The following STPG2 variants were observed in gnomAD, a reference collection of about 807,000 sequenced individuals.
The protein encoded by STPG2 is sperm-tail PG-rich repeat-containing protein 2.
STPG2 carries 56 observed loss-of-function variants against 54.2 expected under a neutral mutation model. That is an observed-to-expected ratio of 1.03 (90% confidence interval 0.83 to 1.29). The LOEUF is 1.29. STPG2 is among the 50% of genes most tolerant of loss of function. The pLI, the probability that STPG2 is intolerant of heterozygous loss-of-function variation, is 0.00. For synonymous variants in STPG2, 200 were observed against 181.8 expected, an observed-to-expected ratio of 1.10 and a Z score of -0.81; for missense variants, 596 against 544.9, an observed-to-expected ratio of 1.09 and a Z score of -0.93.
intron 7 of STPG2, among the ~76,000 whole-genome samples, chr4:97,957,169 T>C (rs1302411196): frequency 6.8e-6 from 1 of 148,120 alleles, no homozygotes; most frequent in Non-Finnish European, 1.5e-5. Flanking sequence ...ATGAAATATA[T>C]ATGTGAAATA....
intron 5 of STPG2, among the ~76,000 whole-genome samples, chr4:98,074,745 T>C (rs1351479600): frequency 1.3e-5 from 2 of 152,222 alleles, no homozygotes; most frequent in African/African-American, 4.8e-5. Context: ...ATGGCATTCT[T>C]CGTTTTATGT....
intron 9 of STPG2, among the ~76,000 whole-genome samples, chr4:97,736,360 G>A (rs1361587656): frequency 6.6e-6 from 1 of 152,188 alleles, no homozygotes; most frequent in Non-Finnish European, 1.5e-5. Context: ...AGTGGGCGCA[G>A]GACAGTGGGT....
chr4:97,625,101 G>A (rs1316037061), intron 10 of STPG2, among the ~76,000 whole-genome samples: 1 of 152,172 alleles, frequency 6.6e-6, no homozygotes, highest in Non-Finnish European at 1.5e-5. Context: ...TCAGTACTGT[G>A]AGAAAACAAA....
chr4:97,640,696 T>A (rs1411087123), intron 10 of STPG2, among the ~76,000 whole-genome samples: 3 of 151,396 alleles, frequency 2.0e-5, no homozygotes, highest in Admixed American at 6.6e-5. Context: ...CATGAAGAAG[T>A]AAATATAAAC....
At chr4:97,514,738 C>T (rs1352557372) in intron 4 of STPG2, among the ~76,000 whole-genome samples, 3 of 151,250 alleles carry the variant, frequency 2.0e-5, no homozygotes, top group Non-Finnish European at 3.0e-5. Context: ...ATTTTTTTTT[C>T]AGCCTTCAAT....
chr4:98,107,459 T>C (rs531908056), intron 4 of STPG2, among the ~76,000 whole-genome samples: 1 of 127,590 alleles, frequency 7.8e-6, no homozygotes, highest in East Asian at 2.1e-4. Flanking sequence ...TATTCATACA[T>C]TTCTTCAGGT....
chr4:97,921,836 C>A (rs1578693067), intron 8 of STPG2, among the ~76,000 whole-genome samples: 1 of 152,200 alleles, frequency 6.6e-6, no homozygotes, highest in East Asian at 1.9e-4. Flanking sequence ...TAATATTATT[C>A]AACCTTTAAA....
At chr4:97,691,592 G>A (rs751192572) in intron 10 of STPG2, among the ~76,000 whole-genome samples, 6 of 151,894 alleles carry the variant, frequency 4.0e-5, no homozygotes, top group Non-Finnish European at 5.9e-5. Flanking sequence ...TTCTCTACCC[G>A]CCCTGGTAGC....
At chr4:97,842,993 A>G (rs1287472461) in intron 8 of STPG2, among the ~76,000 whole-genome samples, 1 of 151,910 alleles carries the variant, frequency 6.6e-6, no homozygotes, top group African/African-American at 2.4e-5. Context: ...GTCTAATAAC[A>G]ATAATTTAAA....
Position 98,115,969 on chromosome 4 carries a change from C to G in STPG2, c.388-6664G>C, listed in dbSNP as rs62318907. On this transcript the variant is annotated intron_variant, in intron 3 of 10. Coordinates refer to ENST00000295268, the MANE Select transcript of STPG2 (RefSeq NM_174952.3). ...TGTCTTTAACTGATACAGAAAACTACGTTTTTATATGTTTTTAAATTACAT... is the reference window on the plus strand; with the variant it reads ...TGTCTTTAACTGATACAGAAAACTAGGTTTTTATATGTTTTTAAATTACAT... Among the ~76,000 whole-genome samples the G allele has an allele frequency of 5.3e-5, 8 of 151,500 alleles. No homozygotes were observed. In the South Asian group the frequency reaches 1.7e-3, roughly 31 times the overall value.
In STPG2 at chr4:97,643,656, CT is replaced by C. The variant is rs1721825948; in HGVS notation, c.1320+69042del. 1.3e-5 allele frequency among the ~76,000 whole-genome samples: 2 copies of C among 151,748 alleles called. 1 individual carries two copies. The highest frequency in any genetic ancestry group is 4.1e-4 in the South Asian group (2 of 4,830). Reference sequence around the variant, plus strand: ...GACATACTTATTAATATTAAATTGACTTTAAACTAATTTCCTTCTTTGTTTA... The same window carrying C: ...GACATACTTATTAATATTAAATTGACTTAAACTAATTTCCTTCTTTGTTTA... On this transcript the variant is annotated intron_variant, in intron 10 of 10. Coordinates refer to ENST00000295268, the MANE Select transcript of STPG2 (RefSeq NM_174952.3).
rs1382898311 is a variant in STPG2, at chr4:97,935,802, G to A, written c.1044+8095C>T. On this transcript the variant is annotated intron_variant, in intron 8 of 10. Coordinates refer to ENST00000295268, the MANE Select transcript of STPG2 (RefSeq NM_174952.3). ...TGAGGAGTGTTTTACTTCCAATTAT[G>A]TGATCGATTTTAGAGTAAGTTCTGT... Among the ~76,000 whole-genome samples, 4 of 152,070 alleles carry A rather than the reference G, an allele frequency of 2.6e-5. No homozygotes were observed. The East Asian group carries it at 7.7e-4, about 29-fold the overall frequency.
At chr4:97,571,523 T>A (rs948845525) in intron 10 of STPG2, among the ~76,000 whole-genome samples, 2 of 152,144 alleles carry the variant, frequency 1.3e-5, no homozygotes, top group African/African-American at 4.8e-5. Context: ...TGGTAAAGCT[T>A]TGCTCTCCAC....
intron 9 of STPG2, among the ~76,000 whole-genome samples, chr4:97,743,205 C>T (rs1274927344): frequency 6.6e-6 from 1 of 151,630 alleles, no homozygotes; most frequent in Non-Finnish European, 1.5e-5. Context: ...TTTGGTTGTA[C>T]TGTGAACAAG....
chr4:98,121,729 G>T lies in STPG2; in HGVS notation c.387+6699C>A, dbSNP rs552294289. On this transcript the variant is annotated intron_variant, in intron 3 of 10. Coordinates refer to ENST00000295268, the MANE Select transcript of STPG2 (RefSeq NM_174952.3). ...TATAGGAATGCCTGTGATTTTTTTT[G>T]TGTGTGTGTGTGTGACAGAGTCTCA... is the stretch of plus-strand genomic sequence containing the variant. Among the ~76,000 whole-genome samples the T allele has an allele frequency of 4.1e-3, 612 of 148,866 alleles. 1 individual carries two copies. The highest frequency in any genetic ancestry group is 8.8e-3 in the African/African-American group (353 of 40,290).
chr4:97,998,851 T>C (rs1475518550), intron 5 of STPG2, among the ~76,000 whole-genome samples: 1 of 152,130 alleles, frequency 6.6e-6, no homozygotes, highest in African/African-American at 2.4e-5. Flanking sequence ...CCTGATTCTG[T>C]GGTGTTCCAT....
Position 98,049,219 on chromosome 4 carries a change from G to A in STPG2, c.612+56734C>T, listed in dbSNP as rs116120523. ...AGAATTAAATTTGTGGGGTAGAAGG[G>A]TCTCTAATGAACACTCGACTTGAAG... On this transcript the variant is annotated intron_variant, in intron 5 of 10. Coordinates refer to ENST00000295268, the MANE Select transcript of STPG2 (RefSeq NM_174952.3). Among the ~76,000 whole-genome samples, 832 of 152,204 alleles carry A rather than the reference G, an allele frequency of 5.5e-3. 5 individuals are homozygous for A. Among genetic ancestry groups the A allele is most frequent in the Non-Finnish European group, 7.9e-3 (538 of 68,010 alleles).
chr4:97,630,065 T>C (rs971755783), intron 10 of STPG2, among the ~76,000 whole-genome samples: 11 of 151,974 alleles, frequency 7.2e-5, no homozygotes, highest in African/African-American at 2.2e-4. Context: ...CATATAAATA[T>C]GTGAGCAGCT....
At chr4:97,845,456 T>G (rs1230664065) in intron 8 of STPG2, among the ~76,000 whole-genome samples, 1 of 152,186 alleles carries the variant, frequency 6.6e-6, no homozygotes, top group Non-Finnish European at 1.5e-5. Context: ...TATCTTTACA[T>G]TTGAATTTGT....
Sources: gnomAD v4.1 joint callset for allele counts (sites outside exome capture counted in the v4.1 genomes callset) on GRCh38, gnomAD v4.1.1 for gene constraint, MANE v1.5 for transcripts, NCBI Gene and HGNC (gene_info 2026-07-23, HGNC 2026-07-21) for gene names.